The following METTL17 variants were observed in gnomAD, a reference collection of about 807,000 sequenced individuals.
METTL17 encodes the protein ribosome assembly protein METTL17, mitochondrial.
METTL17 carries 49 observed loss-of-function variants against 59.4 expected under a neutral mutation model. The observed-to-expected ratio is 0.82, with a 90% CI of 0.66 to 1.05. The LOEUF is 1.05. METTL17 is among the 50% of genes least tolerant of loss of function. METTL17 has a pLI of 0.00. For synonymous variants in METTL17, 208 were observed against 209.2 expected (o/e 0.99, Z 0.05); for missense variants, 555 against 578.4 (o/e 0.96, Z 0.41).
At chr14:20,993,242 C>A in intron 6 of METTL17, 51 bp downstream of exon 6, 2 of 1,436,814 alleles carry the variant, frequency 1.4e-6, no homozygotes, top group Non-Finnish European at 2.0e-6. Flanking sequence ...TCTAGAAAGC[C>A]ATACTTACAC....
rs779104686 is a variant in METTL17 at position 20,995,208 on chromosome 14, T to G, written c.920T>G (p.Met307Arg). Residue 307 changes from methionine to arginine, a missense_variant, in exon 10 of 14, where the codon ATG becomes AGG. Met to Arg is a moderately conservative substitution (Grantham distance 91). Transcript: ENST00000339374. ...ACAAAAGCTGGGCACAGCCTTCTCA[T>G]GGATGCCAGGGATCTGGTCCTTAAG... ...NGTKAGHSLL[M>R]DARDLVLKGK... is the part of the protein sequence containing the mutation. The G allele has an allele frequency of 6.2e-7, 1 of 1,614,104 alleles. No homozygotes were observed. The highest frequency in any genetic ancestry group is 1.3e-5 in the African/African-American group (1 of 74,934).
intron 6 of METTL17, chr14:20,993,726 G>A (rs1017715878): frequency 3.8e-5 from 11 of 287,436 alleles, no homozygotes; most frequent in Non-Finnish European, 2.6e-5. Flanking sequence ...GCCCACCTTG[G>A]CCTCCCAAAG....
rs1879975373 is a variant in METTL17, at chr14:20,990,542, C to G, written c.308C>G (p.Pro103Arg). The change falls in exon 3 of 14, where the codon CCA becomes CGA. Residue 103 changes from proline to arginine, a missense_variant. Transcript: ENST00000339374. ...YLWSRHLPVE[P>R]EELQRRARHL... ...TGGAGCAGACATTTGCCTGTAGAGC[C>G]AGAGGAGTTGCAAAGACGGGCTAGG... 1 of 1,614,228 alleles carries G rather than the reference C, an allele frequency of 6.2e-7. No individual in the cohort carries two copies. The highest frequency in any genetic ancestry group is 1.3e-5 in the African/African-American group (1 of 75,048).
rs528752034 is a variant in METTL17 at position 20,993,507 on chromosome 14, A to G, written c.602+316A>G. 6 of 314,028 alleles carry G rather than the reference A, an allele frequency of 1.9e-5. No homozygotes were observed. The South Asian group carries it at 2.4e-4, about 12-fold the overall frequency. The allele number at this position is 314,028 out of a possible 1,614,324, so 19.5% of individuals were successfully genotyped here. On this transcript the variant is annotated intron_variant, in intron 6 of 13. Coordinates refer to ENST00000339374, the MANE Select transcript of METTL17 (RefSeq NM_022734.3). The stretch of plus-strand genomic sequence containing the variant: ...TTTTTCTTTTTTGAAACGGTGTCTC[A>G]CTCTGTCGCCCAGGCTGGAGTGCAG...
intron 8 of METTL17, 41 bp downstream of exon 8, chr14:20,994,654 G>A (rs375315536): frequency 7.5e-6 from 12 of 1,595,654 alleles, no homozygotes; most frequent in East Asian, 2.2e-5. Context: ...GTGGAATGTG[G>A]CAGATGGAAA....
rs1278290888 is a variant in METTL17, at chr14:20,992,567, A to G, written c.473A>G (p.Tyr158Cys). The G allele has an allele frequency of 2.5e-6, 4 of 1,614,112 alleles. No individual in the cohort carries two copies. The highest frequency in any genetic ancestry group is 1.1e-5 in the South Asian group (1 of 91,086). ...LSYTEGLSLVYMAARLDGGFA... is the reference protein window; with the variant it reads ...LSYTEGLSLVCMAARLDGGFA... The stretch of plus-strand genomic sequence containing the variant: ...TACACTGAGGGACTGAGCCTGGTGT[A>G]TATGGCAGCAAGACTGGATGGTGGC... The change falls in exon 5 of 14, where the codon TAT (tyrosine) becomes TGT (cysteine). Residue 158 changes from tyrosine (Y) to cysteine (C), a missense_variant. Transcript: ENST00000339374.
intron 6 of METTL17, chr14:20,993,487 C>CT (rs1312442396): frequency 1.2e-5 from 4 of 341,934 alleles, no homozygotes; most frequent in Non-Finnish European, 2.1e-5. Flanking sequence ...TTTTTTTTTT[C>CT]TTTTTTGAAA....
chr14:20,994,285 T>C (rs1316755193), intron 7 of METTL17, among the ~76,000 whole-genome samples: 5 of 134,384 alleles, frequency 3.7e-5, no homozygotes. Context: ...TCCCTGCCCT[T>C]TTTTTTTTTT....
At chr14:20,990,733 A>G in intron 3 of METTL17, 135 bp downstream of exon 3, 1 of 1,085,604 alleles carries the variant, frequency 9.2e-7, no homozygotes, top group Non-Finnish European at 1.3e-6. Context: ...CAGTTGTTAC[A>G]ATGATGCCTT....
At chr14:20,992,090 A>G in intron 3 of METTL17, 34 bp from the exon 4 acceptor site, 2 of 1,603,878 alleles carry the variant, frequency 1.2e-6, no homozygotes, top group Non-Finnish European at 1.7e-6. Flanking sequence ...TGTTCTCCCT[A>G]GGTCCTGACT....
chr14:20,994,504 T>C, intron 7 of METTL17, 39 bp from the exon 8 acceptor site: 3 of 1,544,494 alleles, frequency 1.9e-6, no homozygotes, highest in Non-Finnish European at 1.8e-6. Context: ...TATACCTAAC[T>C]TCCTACACAC....
At chr14:20,993,291 T>C (rs1880140387) in intron 6 of METTL17, 100 bp downstream of exon 6, 11 of 981,250 alleles carry the variant, frequency 1.1e-5, no homozygotes, top group Middle Eastern at 4.2e-4. Flanking sequence ...AGAGGGAGAA[T>C]AGGCAAGTTG....
At position 20,995,120 on chromosome 14, in the gene METTL17, T is replaced by C. The variant is rs529927656; in HGVS notation, c.877-45T>C. 1.4e-5 allele frequency: 22 copies of C among 1,551,270 alleles called. 1 individual carries two copies. The South Asian group carries it at 2.2e-4, about 16-fold the overall frequency. ...TACACAGCTACTGACATTTATACTT[T>C]CGTGTAATTCAAGTCTTCTGCATAT... On this transcript the variant is annotated intron_variant, in intron 9 of 13. Coordinates refer to ENST00000339374, the MANE Select transcript of METTL17 (RefSeq NM_022734.3).
intron 6 of METTL17, chr14:20,993,565 C>CTT (rs775492554): frequency 2.1e-5 from 5 of 239,316 alleles, no homozygotes; most frequent in Non-Finnish European, 4.1e-5. Context: ...AGCCTCCACT[C>CTT]CTGGGTTCAA....
intron 10 of METTL17, among the ~76,000 whole-genome samples, chr14:20,995,565 G>T (rs1880321071): frequency 6.6e-6 from 1 of 152,170 alleles, no homozygotes; most frequent in Non-Finnish European, 1.5e-5. Context: ...TCCTAATCTA[G>T]GGCATTGCTG....
At chr14:20,992,306 A>AC in intron 4 of METTL17, 101 bp downstream of exon 4, 1 of 804,956 alleles carries the variant, frequency 1.2e-6, no homozygotes, top group Non-Finnish European at 2.1e-6. Context: ...TTTCTTTTAT[A>AC]TCACCTGACC....
intron 5 of METTL17, chr14:20,992,894 A>T: frequency 1.7e-6 from 1 of 604,246 alleles, no homozygotes; most frequent in Non-Finnish European, 2.9e-6. Context: ...TCTTAAAAAA[A>T]ACACAAAATA....
At chr14:20,994,105 G>A (rs1313747149) in intron 7 of METTL17, 42 bp downstream of exon 7, 1 of 1,406,804 alleles carries the variant, frequency 7.1e-7, no homozygotes, top group Non-Finnish European at 1.0e-6. Flanking sequence ...AGTTAAGAAA[G>A]CAAAGGGGTA....
rs932980284 is a variant in METTL17, at chr14:20,994,874, C to G, written c.849C>G (p.Thr283=). 6.2e-7 allele frequency: 1 copy of G among 1,613,858 alleles called. No homozygotes were observed. Among genetic ancestry groups the G allele is most frequent in the African/African-American group, 1.3e-5 (1 of 74,936 alleles). Residue 283 remains threonine (T), a synonymous_variant, in exon 9 of 14, where the codon ACC becomes ACG. Coordinates refer to ENST00000339374, the MANE Select transcript of METTL17 (RefSeq NM_022734.3). ...CTGACCGCACTGAGGTAGTTCAAAC[C>G]TTATGGCGTAAGACAGGTCATTTCC... The part of the protein sequence containing the change: ...SKADRTEVVQ[T]LWRKTGHFLV...
Sources: gnomAD v4.1 joint callset for allele counts (sites outside exome capture counted in the v4.1 genomes callset) on GRCh38, gnomAD v4.1.1 for gene constraint, MANE v1.5 for transcripts, NCBI Gene and HGNC (gene_info 2026-07-23, HGNC 2026-07-21) for gene names.